MMP16: variants seen among roughly 807,000 people sequenced by gnomAD.
MMP16 encodes matrix metallopeptidase 16.
In MMP16, 12 loss-of-function variants were observed where a neutral mutation model predicts 67.8. The observed-to-expected ratio is 0.18, with a 90% CI of 0.11 to 0.29. The LOEUF is 0.29. Among genes scored for constraint, MMP16 ranks in the 10% least tolerant of loss-of-function variants. MMP16 has a pLI of 1.00. For missense variants in MMP16, 475 were observed against 765.7 expected (o/e 0.62, Z 4.48); for synonymous variants, 249 against 255.9 (o/e 0.97, Z 0.26).
chr8:88,140,298 G>T (rs1318713720), intron 4 of MMP16, among the ~76,000 whole-genome samples: 2 of 152,124 alleles, frequency 1.3e-5, no homozygotes, highest in African/African-American at 2.4e-5. Flanking sequence ...AGAAATAAAA[G>T]AGTAAGAGAG....
intron 1 of MMP16, among the ~76,000 whole-genome samples, chr8:88,202,926 A>G (rs1452453391): frequency 6.6e-6 from 1 of 151,934 alleles, no homozygotes; most frequent in Non-Finnish European, 1.5e-5. Context: ...TAAACGTTCT[A>G]AAAGCACTTA....
At chr8:88,244,877 T>C (rs977783073) in intron 1 of MMP16, among the ~76,000 whole-genome samples, 4 of 152,208 alleles carry the variant, frequency 2.6e-5, no homozygotes, top group African/African-American at 9.6e-5. Flanking sequence ...GATATCTTCT[T>C]AATACCGAGA....
In MMP16 at chr8:88,143,032, T is replaced by A. The variant is rs1228333830; in HGVS notation, c.710-24171A>T. 2.6e-5 allele frequency among the ~76,000 whole-genome samples: 4 copies of A among 152,100 alleles called. No individual in the cohort carries two copies. In the East Asian group the frequency reaches 7.7e-4, roughly 29 times the overall value. On this transcript the variant is annotated intron_variant, in intron 4 of 9. Coordinates refer to ENST00000286614, the MANE Select transcript of MMP16 (RefSeq NM_005941.5). ...AGTGGGTATCTGCCTAGATCGGTAT[T>A]TTTGAAGAAGAAAGATTTTGACAGA...
intron 2 of MMP16, among the ~76,000 whole-genome samples, chr8:88,195,111 C>T (rs751844221): frequency 6.6e-6 from 1 of 152,078 alleles, no homozygotes; most frequent in Non-Finnish European, 1.5e-5. Flanking sequence ...ACTGTTCAGA[C>T]CCCTTTCCAT....
intron 1 of MMP16, among the ~76,000 whole-genome samples, chr8:88,270,275 T>C (rs1810544814): frequency 6.6e-6 from 1 of 152,212 alleles, no homozygotes; most frequent in African/African-American, 2.4e-5. Context: ...TAATAAATTT[T>C]AGAAATCTTG....
Position 88,220,795 on chromosome 8 carries a change from A to G in MMP16, c.133-23489T>C, listed in dbSNP as rs76648104. On this transcript the variant is annotated intron_variant, in intron 1 of 9. Coordinates refer to ENST00000286614, the MANE Select transcript of MMP16 (RefSeq NM_005941.5). ...CTCTGTTCCACCCAAACTATTGTCC[A>G]GCGTCTTACGATATCAATTTTTTAT... 4.5e-3 allele frequency among the ~76,000 whole-genome samples: 685 copies of G among 152,248 alleles called. 11 individuals carry two copies. The highest frequency in any genetic ancestry group is 0.016 in the African/African-American group (649 of 41,554).
chr8:88,212,578 A>G (rs1250466833), intron 1 of MMP16, among the ~76,000 whole-genome samples: 3 of 152,168 alleles, frequency 2.0e-5, no homozygotes, highest in African/African-American at 7.2e-5. Context: ...TATACCCACA[A>G]AGAAAGCAAA....
intron 1 of MMP16, among the ~76,000 whole-genome samples, chr8:88,320,821 A>G (rs1035674208): frequency 6.6e-6 from 1 of 152,230 alleles, no homozygotes; most frequent in South Asian, 2.1e-4. Flanking sequence ...TAGGGGCTAC[A>G]CTTACTCTCT....
At chr8:88,147,849 T>C (rs1005591274) in intron 4 of MMP16, among the ~76,000 whole-genome samples, 1 of 152,100 alleles carries the variant, frequency 6.6e-6, no homozygotes, top group Non-Finnish European at 1.5e-5. Context: ...GCTTCCTCTA[T>C]ATGTGGATTC....
At chr8:88,315,317 T>C (rs1811360307) in intron 1 of MMP16, among the ~76,000 whole-genome samples, 1 of 152,188 alleles carries the variant, frequency 6.6e-6, no homozygotes. Flanking sequence ...TTAGATGATA[T>C]CTGTTATGGT....
In MMP16 at chr8:88,041,436, G is replaced by GA; in HGVS notation, c.*24dup. 6.3e-7 allele frequency: 1 copy of GA among 1,581,620 alleles called. No homozygotes were observed. Among genetic ancestry groups the GA allele is most frequent in the Non-Finnish European group, 8.6e-7 (1 of 1,158,760 alleles). On this transcript the variant is annotated 3_prime_UTR_variant, in exon 10 of 10. Transcript: ENST00000286614. The surrounding 1 kb of genome is among the most constrained non-coding windows in gnomAD (Gnocchi z 6.0). ...CAAGTTACCACAAACTCCTGCAAAAGAAAGAAAGAAGAAAAAACCCTACAT... is the reference window on the plus strand; with the variant it reads ...CAAGTTACCACAAACTCCTGCAAAAGAAAAGAAAGAAGAAAAAACCCTACAT...
chr8:88,289,304 T>C (rs989618778), intron 1 of MMP16, among the ~76,000 whole-genome samples: 3 of 152,186 alleles, frequency 2.0e-5, no homozygotes, highest in African/African-American at 7.2e-5. Flanking sequence ...TCTTTGTATG[T>C]TACTATGCTG....
At chr8:88,186,720 G>A in intron 2 of MMP16, 122 bp from the exon 3 acceptor site, 1 of 1,322,984 alleles carries the variant, frequency 7.6e-7, no homozygotes, top group African/African-American at 1.5e-5. Context: ...TGATGAAAAT[G>A]GCAAAATATA....
intron 8 of MMP16, among the ~76,000 whole-genome samples, chr8:88,053,660 CAGAT>C (rs1227001999): frequency 6.6e-6 from 1 of 152,010 alleles, no homozygotes; most frequent in Non-Finnish European, 1.5e-5. Flanking sequence ...GTTTTTGTTT[CAGAT>C]AGAGAGTTTA....
At chr8:88,214,917 T>A (rs1480419338) in intron 1 of MMP16, among the ~76,000 whole-genome samples, 1 of 152,180 alleles carries the variant, frequency 6.6e-6, no homozygotes, top group African/African-American at 2.4e-5. Flanking sequence ...GAACACAGAA[T>A]AAGTGAGCCT....
rs1157296192 is a variant in MMP16 at position 88,235,904 on chromosome 8, T to TA, written c.133-38599dup. ...GAAATTATATTTTCGTCTCTTTTCC[T>TA]AAAAAAAAAAAAGTTTCATATATAT... On this transcript the variant is annotated intron_variant, in intron 1 of 9. Transcript: ENST00000286614. Among the ~76,000 whole-genome samples the TA allele has an allele frequency of 4.3e-3, 620 of 144,816 alleles. 4 individuals are homozygous for TA. Among genetic ancestry groups the TA allele is most frequent in the African/African-American group, 0.013 (516 of 39,920 alleles).
chr8:88,062,256 T>G (rs1476122674), intron 7 of MMP16, among the ~76,000 whole-genome samples: 1 of 152,102 alleles, frequency 6.6e-6, no homozygotes, highest in Non-Finnish European at 1.5e-5. Context: ...TGGCGATTCC[T>G]CAAGGATCTA....
chr8:88,197,031 T>C, intron 2 of MMP16, 127 bp downstream of exon 2: 1 of 873,672 alleles, frequency 1.1e-6, no homozygotes, highest in Non-Finnish European at 1.7e-6. Flanking sequence ...TTAGGTTATA[T>C]AATTCCAAAG....
chr8:88,203,427 G>A (rs928306915), intron 1 of MMP16, among the ~76,000 whole-genome samples: 1 of 151,930 alleles, frequency 6.6e-6, no homozygotes, highest in African/African-American at 2.4e-5. Flanking sequence ...TATAAAATGT[G>A]CACATCCACA....
Sources: allele counts gnomAD v4.1 joint callset (sites outside exome capture counted in the v4.1 genomes callset), GRCh38; gene constraint gnomAD v4.1.1; non-coding constraint Gnocchi (gnomAD v3.1); transcripts MANE v1.5; gene names NCBI Gene and HGNC (gene_info 2026-07-23, HGNC 2026-07-21).